CSMD2: variants seen among roughly 807,000 people sequenced by gnomAD.
The protein encoded by CSMD2 is CUB and sushi domain-containing protein 2.
CSMD2 carries 130 observed loss-of-function variants against 398.5 expected under a neutral mutation model. That is an observed-to-expected ratio of 0.33 (90% confidence interval 0.28 to 0.38). The LOEUF (loss-of-function observed/expected upper bound fraction) is 0.38, where lower values mean the gene tolerates loss of function less well. Ranked by LOEUF, CSMD2 falls within the 10% of genes least tolerant of loss-of-function variation. The probability of loss-of-function intolerance (pLI) is 1.00; values close to 1 mark genes in which losing one functional copy is unlikely to be tolerated. For synonymous variants in CSMD2, 1,828 were observed against 1,908.5 expected, an observed-to-expected ratio of 0.96 and a Z score of 1.10; for missense variants, 3,829 against 4,764.9, an observed-to-expected ratio of 0.80 and a Z score of 5.78.
chr1:33,539,040 T>C (rs1292218103), intron 60 of CSMD2, among the ~76,000 whole-genome samples: 2 of 152,014 alleles, frequency 1.3e-5, no homozygotes, highest in African/African-American at 2.4e-5. Flanking sequence ...CGATCTTGGC[T>C]CACTGCAAGC....
intron 3 of CSMD2, among the ~76,000 whole-genome samples, chr1:33,959,589 C>T (rs2125391953): frequency 6.6e-6 from 1 of 152,284 alleles, no homozygotes; most frequent in East Asian, 1.9e-4. Flanking sequence ...AGCAAAGCAG[C>T]ACAGTTGCTC....
At chr1:34,097,870 C>G (rs1376248472) in intron 1 of CSMD2, among the ~76,000 whole-genome samples, 8 of 103,954 alleles carry the variant, frequency 7.7e-5, no homozygotes, top group East Asian at 3.0e-4. Context: ...CCTCAGGGAT[C>G]TAGAACTAGA....
intron 49 of CSMD2, among the ~76,000 whole-genome samples, chr1:33,575,591 T>G (rs6701268): frequency 0.18 from 27,221 of 151,916 alleles, 2,707 homozygotes; most frequent in South Asian, 0.25. Flanking sequence ...CACAGTAGTA[T>G]GGGGATGGGT....
intron 5 of CSMD2, among the ~76,000 whole-genome samples, chr1:33,914,911 A>T (rs1643644805): frequency 6.6e-6 from 1 of 152,220 alleles, no homozygotes; most frequent in Non-Finnish European, 1.5e-5. Context: ...TAACATCCTT[A>T]CTTGGCAAAA....
intron 56 of CSMD2, among the ~76,000 whole-genome samples, chr1:33,547,847 A>G (rs1395073060): frequency 6.6e-6 from 1 of 152,190 alleles, no homozygotes; most frequent in Non-Finnish European, 1.5e-5. Flanking sequence ...AGCTAGCACT[A>G]TTGTAAAATA....
intron 40 of CSMD2, among the ~76,000 whole-genome samples, chr1:33,614,147 C>CT (rs61545118): frequency 0.012 from 1,858 of 149,806 alleles, 36 homozygotes; most frequent in African/African-American, 0.043. Context: ...CCACCCCCGC[C>CT]TTTTTTTTTA....
At chr1:33,657,553 C>T (rs979103384) in intron 27 of CSMD2, among the ~76,000 whole-genome samples, 10 of 152,190 alleles carry the variant, frequency 6.6e-5, no homozygotes, top group African/African-American at 2.2e-4. Flanking sequence ...TCTTTACATT[C>T]TGAGGCTGTG....
intron 25 of CSMD2, among the ~76,000 whole-genome samples, chr1:33,681,763 C>T (rs1204223194): frequency 1.3e-5 from 2 of 152,106 alleles, no homozygotes; most frequent in African/African-American, 2.4e-5. Flanking sequence ...GTCAGGAGTT[C>T]TAGACCAGCC....
At chr1:33,970,412 T>C (rs1055539536) in intron 3 of CSMD2, among the ~76,000 whole-genome samples, 4 of 152,118 alleles carry the variant, frequency 2.6e-5, no homozygotes, top group Non-Finnish European at 4.4e-5. Flanking sequence ...ATCTTGCCCA[T>C]TGTCTCTGCT....
intron 3 of CSMD2, among the ~76,000 whole-genome samples, chr1:33,967,637 C>A (rs778314413): frequency 6.6e-6 from 1 of 152,194 alleles, no homozygotes; most frequent in African/African-American, 2.4e-5. Flanking sequence ...CTCTTTGTAA[C>A]CAGGAAGTCA....
At chr1:33,654,400 T>A (rs1413822780) in intron 27 of CSMD2, among the ~76,000 whole-genome samples, 1 of 152,190 alleles carries the variant, frequency 6.6e-6, no homozygotes, top group East Asian at 1.9e-4. Flanking sequence ...GTTTTCCCCC[T>A]TTCTACTTCC....
intron 6 of CSMD2, among the ~76,000 whole-genome samples, chr1:33,836,918 G>A (rs1033670605): frequency 6.6e-6 from 1 of 152,184 alleles, no homozygotes; most frequent in African/African-American, 2.4e-5. Context: ...CAGTACCTCA[G>A]TTGGAAATGC....
chr1:33,873,220 T>TA (rs1640600060), intron 5 of CSMD2, among the ~76,000 whole-genome samples: 1 of 152,170 alleles, frequency 6.6e-6, no homozygotes, highest in Admixed American at 6.5e-5. Flanking sequence ...GAGGAGATGT[T>TA]AGAGACCTTG....
In CSMD2 at chr1:33,714,729, G is replaced by A; in HGVS notation, c.3264C>T (p.Ser1088=). Residue 1088 remains serine, a synonymous_variant, in exon 21 of 71, where the codon AGC becomes AGT. Transcript: ENST00000373381. Reference sequence around the variant, plus strand: ...CGCCAAACTGCAAGCCCTTCCGGATGCTGTAGGCTGGGACCTCGGGCTCCT... The same window carrying A: ...CGCCAAACTGCAAGCCCTTCCGGATACTGTAGGCTGGGACCTCGGGCTCCT... The part of the protein sequence containing the change: ...PCEEPEVPAY[S]IRKGLQFGVG... 2 of 1,614,168 alleles carry A rather than the reference G, an allele frequency of 1.2e-6. No individual in the cohort carries two copies. Among genetic ancestry groups the A allele is most frequent in the Non-Finnish European group, 1.7e-6 (2 of 1,180,034 alleles).
chr1:33,803,935 T>C (rs1483036541), intron 10 of CSMD2, among the ~76,000 whole-genome samples: 1 of 152,224 alleles, frequency 6.6e-6, no homozygotes, highest in East Asian at 1.9e-4. Flanking sequence ...TCTTGTTCCA[T>C]CCAGCAGCAC....
chr1:33,736,984 G>C (rs1646906797), intron 15 of CSMD2, among the ~76,000 whole-genome samples: 1 of 152,174 alleles, frequency 6.6e-6, no homozygotes, highest in African/African-American at 2.4e-5. Flanking sequence ...GAGGGGGCTG[G>C]TCTGTAGGAA....
At position 33,518,304 on chromosome 1, in the gene CSMD2, C is replaced by T. The variant is rs1376194726; in HGVS notation, c.*53+1161G>A. On this transcript the variant is annotated intron_variant, in intron 70 of 70. Transcript: ENST00000373381. The surrounding 1 kb of genome is among the most constrained non-coding windows in gnomAD (Gnocchi z 4.3). The stretch of plus-strand genomic sequence containing the variant: ...GTGAGGGTGTCATCGAAGGAGGACA[C>T]AGTGAGGAAGAGGCAGTGCCTTTTA... 1.3e-5 allele frequency among the ~76,000 whole-genome samples: 2 copies of T among 152,180 alleles called. No individual in the cohort carries two copies. Among genetic ancestry groups the T allele is most frequent in the Admixed American group, 6.5e-5 (1 of 15,290 alleles).
rs145449005 is a variant in CSMD2, at chr1:33,866,491, C to T, written c.921-19495G>A. Among the ~76,000 whole-genome samples, 711 of 152,348 alleles carry T rather than the reference C, an allele frequency of 4.7e-3. 6 individuals are homozygous for T. The highest frequency in any genetic ancestry group is 0.016 in the African/African-American group (677 of 41,584). ...AGGCATGCTGGCAAAATTCCCGTTC[C>T]GCATTCCCCACAGCTGCTATTCCAA... On this transcript the variant is annotated intron_variant, in intron 5 of 70. Coordinates refer to ENST00000373381, the MANE Select transcript of CSMD2 (RefSeq NM_001281956.2).
At chr1:33,696,772 T>C (rs1461634017) in intron 24 of CSMD2, among the ~76,000 whole-genome samples, 3 of 152,094 alleles carry the variant, frequency 2.0e-5, no homozygotes, top group African/African-American at 7.2e-5. Context: ...GGCCAGCATG[T>C]AGCAGATTCA....
Sources: allele counts gnomAD v4.1 joint callset (sites outside exome capture counted in the v4.1 genomes callset), GRCh38; gene constraint gnomAD v4.1.1; non-coding constraint Gnocchi (gnomAD v3.1); transcripts MANE v1.5; gene names NCBI Gene and HGNC (gene_info 2026-07-23, HGNC 2026-07-21).